AMBRA1: variants seen among roughly 807,000 people sequenced by gnomAD.
AMBRA1 encodes autophagy and beclin 1 regulator 1.
AMBRA1 carries 47 observed loss-of-function variants against 125.4 expected under a neutral mutation model. The observed-to-expected ratio is 0.37, with a 90% confidence interval of 0.30 to 0.48. The LOEUF (loss-of-function observed/expected upper bound fraction) is 0.48. Ranked by LOEUF, AMBRA1 falls within the 20% of genes least tolerant of loss-of-function variation. The probability of loss-of-function intolerance (pLI) is 0.99; values close to 1 mark genes in which losing one functional copy is unlikely to be tolerated. For synonymous variants in AMBRA1, 626 were observed against 655.5 expected (o/e 0.95, Z 0.69); for missense variants, 1,331 against 1,693.4 (o/e 0.79, Z 3.76).
At chr11:46,436,056 T>C (rs568787695) in intron 12 of AMBRA1, among the ~76,000 whole-genome samples, 5 of 152,308 alleles carry the variant, frequency 3.3e-5, no homozygotes, top group Admixed American at 6.5e-5. Context: ...CATGTAGATA[T>C]ACCTCAAGCA....
chr11:46,521,530 C>T (rs1310023931), intron 7 of AMBRA1, among the ~76,000 whole-genome samples: 1 of 152,242 alleles, frequency 6.6e-6, no homozygotes, highest in South Asian at 2.1e-4. Flanking sequence ...TCTGCCTTGG[C>T]GCATGCCTGG....
At chr11:46,401,295 C>A (rs959260422) in intron 17 of AMBRA1, among the ~76,000 whole-genome samples, 5 of 152,184 alleles carry the variant, frequency 3.3e-5, no homozygotes, top group African/African-American at 1.2e-4. Flanking sequence ...GACTGGAGTG[C>A]AGTGACATGA....
At chr11:46,568,892 C>A (rs552664364) in intron 1 of AMBRA1, among the ~76,000 whole-genome samples, 1 of 150,038 alleles carries the variant, frequency 6.7e-6, no homozygotes, top group African/African-American at 2.5e-5. Flanking sequence ...CTGCAACCTC[C>A]GCCTCCCAGG....
Position 46,548,375 on chromosome 11 carries a change from C to T in AMBRA1, c.6G>A (p.Lys2=). 6.2e-7 allele frequency: 1 copy of T among 1,613,834 alleles called. No individual in the cohort carries two copies. ...GGACAGCATTCTTTTCTGGGACAAC[C>T]TTCATGGCGCTCAGTAGCCACTGTC... M[K]VVPEKNAVRI... The change falls in exon 2 of 18, where the codon AAG becomes AAA. Residue 2 remains lysine, a synonymous_variant. Transcript: ENST00000683756.
At chr11:46,489,090 A>C (rs536768726) in intron 11 of AMBRA1, among the ~76,000 whole-genome samples, 1 of 152,094 alleles carries the variant, frequency 6.6e-6, no homozygotes, top group African/African-American at 2.4e-5. Flanking sequence ...TTACACTTTA[A>C]GTTTTAGGGT....
At chr11:46,489,679 GC>G in intron 11 of AMBRA1, among the ~76,000 whole-genome samples, 1 of 152,150 alleles carries the variant, frequency 6.6e-6, no homozygotes, top group East Asian at 1.9e-4. Flanking sequence ...AAAAGATTAT[GC>G]AGGACAGACA....
intron 7 of AMBRA1, among the ~76,000 whole-genome samples, chr11:46,527,353 A>C (rs1401879971): frequency 6.6e-6 from 1 of 151,684 alleles, no homozygotes; most frequent in Non-Finnish European, 1.5e-5. Flanking sequence ...GGTGGCATGC[A>C]CCTGTAATCC....
intron 11 of AMBRA1, among the ~76,000 whole-genome samples, chr11:46,475,477 T>G (rs1052221071): frequency 6.6e-6 from 1 of 152,194 alleles, no homozygotes; most frequent in African/African-American, 2.4e-5. Context: ...TTTGATTGAG[T>G]CTATTTCTCT....
chr11:46,451,618 T>C (rs1224135326), intron 11 of AMBRA1, among the ~76,000 whole-genome samples: 1 of 152,018 alleles, frequency 6.6e-6, no homozygotes, highest in Non-Finnish European at 1.5e-5. Flanking sequence ...AAAGGGCAAG[T>C]TGCAAAGAAG....
chr11:46,493,477 C>A, intron 11 of AMBRA1, 131 bp downstream of exon 11: 1 of 710,382 alleles, frequency 1.4e-6, no homozygotes, highest in South Asian at 2.0e-5. Flanking sequence ...GAATATCAAA[C>A]CAGGACCCCA....
At chr11:46,448,386 G>A (rs1292840793) in intron 11 of AMBRA1, among the ~76,000 whole-genome samples, 2 of 152,166 alleles carry the variant, frequency 1.3e-5, no homozygotes, top group East Asian at 1.9e-4. Flanking sequence ...TCTCAAGAGA[G>A]ATTTAAAAAT....
chr11:46,560,610 A>T (rs2043299884), intron 1 of AMBRA1, among the ~76,000 whole-genome samples: 1 of 152,234 alleles, frequency 6.6e-6, no homozygotes, highest in Admixed American at 6.5e-5. Flanking sequence ...TTTTATCTGC[A>T]AATTATTCTG....
At chr11:46,428,379 T>C (rs1236895578) in intron 14 of AMBRA1, among the ~76,000 whole-genome samples, 1 of 152,192 alleles carries the variant, frequency 6.6e-6, no homozygotes, top group African/African-American at 2.4e-5. Context: ...ACCACAATAC[T>C]GTTCCATGGA....
At position 46,555,365 on chromosome 11, in the gene AMBRA1, C is replaced by T. The variant is rs1413565194; in HGVS notation, c.-120-6865G>A. On this transcript the variant is annotated intron_variant, in intron 1 of 17. Coordinates refer to ENST00000683756, the MANE Select transcript of AMBRA1 (RefSeq NM_001387011.1). ...AATTTTACTCCACCTTCTAGCTATA[C>T]GACTTTGGGGATACTTAACCTCTTT... Among the ~76,000 whole-genome samples the T allele has an allele frequency of 2.6e-5, 4 of 152,058 alleles. 1 individual carries two copies. Among genetic ancestry groups the T allele is most frequent in the South Asian group, 2.1e-4 (1 of 4,832 alleles).
chr11:46,405,093 C>T (rs1323864938), intron 17 of AMBRA1, among the ~76,000 whole-genome samples: 2 of 152,186 alleles, frequency 1.3e-5, no homozygotes, highest in African/African-American at 2.4e-5. Context: ...TATGCAGTAA[C>T]ATGTCTTTGA....
intron 1 of AMBRA1, among the ~76,000 whole-genome samples, chr11:46,557,065 G>C (rs1214795883): frequency 2.0e-5 from 3 of 151,324 alleles, no homozygotes; most frequent in Non-Finnish European, 4.4e-5. Flanking sequence ...GAACCCGGGA[G>C]GTGGAAGTTG....
chr11:46,421,658 C>G (rs1411553500), intron 14 of AMBRA1, among the ~76,000 whole-genome samples: 4 of 152,194 alleles, frequency 2.6e-5, no homozygotes, highest in African/African-American at 9.7e-5. Flanking sequence ...CTTTCCCGGG[C>G]CAAAGCTGAA....
chr11:46,468,680 C>T lies in AMBRA1; in HGVS notation c.2521+24928G>A, dbSNP rs374034791. Among the ~76,000 whole-genome samples, 19 of 151,358 alleles carry T rather than the reference C, an allele frequency of 1.3e-4. 1 individual carries two copies. The East Asian group carries it at 2.3e-3, about 19-fold the overall frequency. On this transcript the variant is annotated intron_variant, in intron 11 of 17. Coordinates refer to ENST00000683756, the MANE Select transcript of AMBRA1 (RefSeq NM_001387011.1). ...AAAAAAAAATAGCCGGGTGTGGTGG[C>T]GGGCGCCTGTAGTCCCCGTTACTCA...
At chr11:46,492,000 G>C (rs1237427207) in intron 11 of AMBRA1, among the ~76,000 whole-genome samples, 1 of 152,180 alleles carries the variant, frequency 6.6e-6, no homozygotes, top group East Asian at 1.9e-4. Flanking sequence ...CAGATGTCTG[G>C]AACAAAGAAG....
Sources: allele counts gnomAD v4.1 joint callset (sites outside exome capture counted in the v4.1 genomes callset), GRCh38; gene constraint gnomAD v4.1.1; transcripts MANE v1.5; gene names NCBI Gene and HGNC (gene_info 2026-07-23, HGNC 2026-07-21).